The following KRT6A variants were observed in gnomAD, a reference collection of about 807,000 sequenced individuals.
KRT6A encodes the protein keratin, type II cytoskeletal 6A.
A neutral mutation model predicts 48.6 loss-of-function variants in KRT6A; 28 were observed. The observed-to-expected ratio is 0.58, with a 90% CI of 0.43 to 0.79. KRT6A has a LOEUF of 0.79. Ranked by LOEUF, KRT6A falls within the 30% of genes least tolerant of loss-of-function variation. The pLI is 0.00. For missense variants in KRT6A, 687 were observed against 724.3 expected, an observed-to-expected ratio of 0.95 and a Z score of 0.59; for synonymous variants, 301 against 294.2, an observed-to-expected ratio of 1.02 and a Z score of -0.24.
At chr12:52,490,267 T>A (rs1191337966) in intron 5 of KRT6A, 199 bp from the exon 6 acceptor site, 8 of 1,104,138 alleles carry the variant, frequency 7.2e-6, no homozygotes, top group Non-Finnish European at 1.1e-5. Flanking sequence ...CACCACTGCC[T>A]GCCTAGTTTC....
rs1169746521 is a variant in KRT6A at position 52,491,465 on chromosome 12, A to G, written c.755+57T>C. On this transcript the variant is annotated intron_variant, in intron 2 of 8. Transcript: ENST00000330722. ...TACCCCCTTCTGGCCCTGGTCACCC[A>G]ATAGTCTTGAAGTGTGTGCTGCAGG... 7.5e-6 allele frequency: 12 copies of G among 1,597,730 alleles called. No individual in the cohort carries two copies. In the East Asian group the frequency reaches 2.5e-4, roughly 33 times the overall value.
chr12:52,490,131 T>A, intron 5 of KRT6A, 63 bp from the exon 6 acceptor site: 1 of 1,611,370 alleles, frequency 6.2e-7, no homozygotes, highest in South Asian at 1.1e-5. Flanking sequence ...GCGATGACTT[T>A]CACTTGTGTA....
Position 52,487,585 on chromosome 12 carries a change from T to A in KRT6A, c.*135A>T. On this transcript the variant is annotated 3_prime_UTR_variant, in exon 9 of 9. Coordinates refer to ENST00000330722, the MANE Select transcript of KRT6A (RefSeq NM_005554.4). ...AGAGAGAGAGAAGAAGTGAGGGCAC[T>A]AAGCATCCATACCCAGCTCTACCTG... is the stretch of plus-strand genomic sequence containing the variant. The A allele has an allele frequency of 9.5e-7, 1 of 1,051,608 alleles. No individual in the cohort carries two copies. The highest frequency in any genetic ancestry group is 1.4e-6 in the Non-Finnish European group (1 of 706,712). The allele number at this position is 1,051,608 out of a possible 1,614,324, so 65.1% of individuals were successfully genotyped here. A position where few individuals can be genotyped will look rare whatever the true frequency, so the allele number is the denominator to read the frequency against.
Position 52,487,579 on chromosome 12 carries a change from G to A in KRT6A, c.*141C>T, listed in dbSNP as rs1063931. On this transcript the variant is annotated 3_prime_UTR_variant, in exon 9 of 9. Coordinates refer to ENST00000330722, the MANE Select transcript of KRT6A (RefSeq NM_005554.4). Reference sequence around the variant, plus strand: ...GTATAGAGAGAGAGAGAAGAAGTGAGGGCACTAAGCATCCATACCCAGCTC... The same window carrying A: ...GTATAGAGAGAGAGAGAAGAAGTGAAGGCACTAAGCATCCATACCCAGCTC... 234,806 of 954,100 alleles carry A rather than the reference G, an allele frequency of 0.25. 31,793 individuals are homozygous for A. Among genetic ancestry groups the A allele is most frequent in the African/African-American group, 0.45 (27,043 of 60,386 alleles). The allele number at this position is 954,100 out of a possible 1,614,324, so 59.1% of individuals were successfully genotyped here. A position where few individuals can be genotyped will look rare whatever the true frequency, so the allele number is the denominator to read the frequency against.
In KRT6A at chr12:52,493,228, C is replaced by G; in HGVS notation, c.-40G>C. On this transcript the variant is annotated 5_prime_UTR_variant, in exon 1 of 9. Coordinates refer to ENST00000330722, the MANE Select transcript of KRT6A (RefSeq NM_005554.4). ...AGAGAGCTGAGGAGAGTGTGAGAGG[C>G]TGGAGGAGAGAGGGAAGAGAAGCAG... 1.2e-6 allele frequency: 2 copies of G among 1,613,784 alleles called. No individual in the cohort carries two copies.
rs1469928604 is a variant in KRT6A, at chr12:52,487,611, G to T, written c.*109C>A. 1.5e-6 allele frequency: 2 copies of T among 1,378,944 alleles called. No individual in the cohort carries two copies. The highest frequency in any genetic ancestry group is 1.4e-5 in the African/African-American group (1 of 69,500). The allele number at this position is 1,378,944 out of a possible 1,614,324, so 85.4% of individuals were successfully genotyped here. On this transcript the variant is annotated 3_prime_UTR_variant, in exon 9 of 9. Coordinates refer to ENST00000330722, the MANE Select transcript of KRT6A (RefSeq NM_005554.4). ...AAGCATCCATACCCAGCTCTACCTGGGACAGCAGGGGAGACTGGAGGCCAG... is the reference window on the plus strand; with the variant it reads ...AAGCATCCATACCCAGCTCTACCTGTGACAGCAGGGGAGACTGGAGGCCAG...
Position 52,487,419 on chromosome 12 carries a change from TA to T in KRT6A, c.*300del. The T allele has an allele frequency of 2.2e-6, 1 of 445,056 alleles. No individual in the cohort carries two copies. Among genetic ancestry groups the T allele is most frequent in the Non-Finnish European group, 4.1e-6 (1 of 245,830 alleles). 27.6% of individuals were successfully genotyped at this position (445,056 alleles called of 1,614,324 possible). A position where few individuals can be genotyped will look rare whatever the true frequency, so the allele number is the denominator to read the frequency against. On this transcript the variant is annotated 3_prime_UTR_variant, in exon 9 of 9. Coordinates refer to ENST00000330722, the MANE Select transcript of KRT6A (RefSeq NM_005554.4). ...TGAAAAGGAGCAGAGGTCATTTTCT[TA>T]TAATGCTCAGCCTCAGAGATAGAAC...
In KRT6A at chr12:52,487,344, G is replaced by A. The variant is rs988000096; in HGVS notation, c.*376C>T. 5 of 313,188 alleles carry A rather than the reference G, an allele frequency of 1.6e-5. No homozygotes were observed. Among genetic ancestry groups the A allele is most frequent in the East Asian group, 7.6e-5 (1 of 13,194 alleles). 19.4% of individuals were successfully genotyped at this position (313,188 alleles called of 1,614,324 possible). On this transcript the variant is annotated 3_prime_UTR_variant, in exon 9 of 9. Transcript: ENST00000330722. ...AAGTTAGAGAGTTTGAGAGCCAGTG[G>A]AAAGTAAGTGGAAGTTGTTCTGAAA...
chr12:52,491,996 T>C (rs1938275586), intron 1 of KRT6A, among the ~76,000 whole-genome samples: 1 of 152,194 alleles, frequency 6.6e-6, no homozygotes, highest in Non-Finnish European at 1.5e-5. Flanking sequence ...TCAACATGTC[T>C]TTTCCTTCTT....
At position 52,492,863 on chromosome 12, in the gene KRT6A, C is replaced by G. The variant is rs769880941; in HGVS notation, c.326G>C (p.Gly109Ala). 2 of 1,608,452 alleles carry G rather than the reference C, an allele frequency of 1.2e-6. No homozygotes were observed. The highest frequency in any genetic ancestry group is 1.7e-6 in the Non-Finnish European group (2 of 1,177,560). ...GCCGGCTCCACCACCCAGACCAAAG[C>G]CAATGCCGGCTCCACCACCGAAACC... ...GFGFGGGAGI[G>A]FGLGGGAGLA... The change falls in exon 1 of 9, where the codon GGC becomes GCC. Residue 109 changes from glycine to alanine, a missense_variant. Coordinates refer to ENST00000330722, the MANE Select transcript of KRT6A (RefSeq NM_005554.4).
At chr12:52,492,599 C>G in intron 1 of KRT6A, 50 bp downstream of exon 1, 1 of 1,613,854 alleles carries the variant, frequency 6.2e-7, no homozygotes, top group African/African-American at 1.3e-5. Flanking sequence ...TGTTGCTCCT[C>G]TGGTCTGGGG....
chr12:52,488,682 TTG>T, intron 6 of KRT6A, 134 bp from the exon 7 acceptor site: 2 of 1,167,234 alleles, frequency 1.7e-6, no homozygotes, highest in South Asian at 1.4e-5. Context: ...TTCCTATCTA[TTG>T]TTTTTTTTTT....
Position 52,492,716 on chromosome 12 carries a change from C to T in KRT6A, c.473G>A (p.Arg158Gln), listed in dbSNP as rs745403820. The change falls in exon 1 of 9, where the codon CGG (arginine) becomes CAG (glutamine). Residue 158 changes from arginine to glutamine, a missense_variant. Coordinates refer to ENST00000330722, the MANE Select transcript of KRT6A (RefSeq NM_005554.4). ...CTGTTCACGCTCCTCAGCCCGCACC[C>T]GCTGGATGGTGGGATCGATTTGCAG... ...LNLQIDPTIQ[R>Q]VRAEEREQIK... The T allele has an allele frequency of 6.2e-5, 100 of 1,613,926 alleles. No individual in the cohort carries two copies. Among genetic ancestry groups the T allele is most frequent in the Non-Finnish European group, 7.8e-5 (92 of 1,179,980 alleles).
rs11540301 is a variant in KRT6A, at chr12:52,487,760, G to C, written c.1655C>G (p.Thr552Ser). Residue 552 changes from threonine to serine, a missense_variant, in exon 9 of 9, where the codon ACC becomes AGC. Transcript: ENST00000330722. Reference protein sequence around the residue: ...VGGGSSTIKYTTTSSSSRKSY... With the variant: ...VGGGSSTIKYSTTSSSSRKSY... ...CTTCCTGCTGGAGGAGGAGGTGGTG[G>C]TGTACTTGATGGTGGAACTGCCGCC... 38,822 of 1,613,996 alleles carry C rather than the reference G, an allele frequency of 0.024. 2,793 individuals carry two copies. The African/African-American group carries it at 0.25, about 10-fold the overall frequency.
Position 52,491,004 on chromosome 12 carries a change from T to C in KRT6A, c.817-51A>G, listed in dbSNP as rs770808915. Reference sequence around the variant, plus strand: ...GTTACCTGAGCTCACCTTTCCAATCTACCCATCTTCTAGTCTCCATGCCAA... The same window carrying C: ...GTTACCTGAGCTCACCTTTCCAATCCACCCATCTTCTAGTCTCCATGCCAA... On this transcript the variant is annotated intron_variant, in intron 3 of 8. Coordinates refer to ENST00000330722, the MANE Select transcript of KRT6A (RefSeq NM_005554.4). 1.5e-5 allele frequency: 24 copies of C among 1,610,360 alleles called. 1 individual carries two copies. The East Asian group carries it at 1.6e-4, about 10-fold the overall frequency.
chr12:52,487,646 G>A lies in KRT6A; in HGVS notation c.*74C>T, dbSNP rs1053795. The A allele has an allele frequency of 1.2e-6, 2 of 1,602,876 alleles. No individual in the cohort carries two copies. The highest frequency in any genetic ancestry group is 1.7e-5 in the Admixed American group (1 of 59,528). On this transcript the variant is annotated 3_prime_UTR_variant, in exon 9 of 9. Coordinates refer to ENST00000330722, the MANE Select transcript of KRT6A (RefSeq NM_005554.4). ...GGAGACTGGAGGCCAGGAGAGGAAA[G>A]GCAACCTGAGGAGAGGGCTCTGCAG...
At position 52,488,531 on chromosome 12, in the gene KRT6A, G is replaced by T; in HGVS notation, c.1221C>A (p.Ala407=). ...HVKKQCANLQ[A]AIADAEQRGE... Reference sequence around the variant, plus strand: ...CACGCTGCTCAGCATCAGCAATGGCGGCCTGCAGGTTGGCGCACTGGAAGA... The same window carrying T: ...CACGCTGCTCAGCATCAGCAATGGCTGCCTGCAGGTTGGCGCACTGGAAGA... Residue 407 remains alanine (A), a synonymous_variant, in exon 7 of 9, where the codon GCC becomes GCA. Transcript: ENST00000330722. 1 of 1,613,930 alleles carries T rather than the reference G, an allele frequency of 6.2e-7. No homozygotes were observed. The highest frequency in any genetic ancestry group is 8.5e-7 in the Non-Finnish European group (1 of 1,179,930).
In KRT6A at chr12:52,487,244, C is replaced by A; in HGVS notation, c.*476G>T. On this transcript the variant is annotated 3_prime_UTR_variant, in exon 9 of 9. Transcript: ENST00000330722. ...GAGCACAGAAATCATCACAGAGATA[C>A]AGGCTTTGTACATCATAGGACTAGT... is the stretch of plus-strand genomic sequence containing the variant. 5.5e-6 allele frequency: 1 copy of A among 180,512 alleles called. No individual in the cohort carries two copies. Among genetic ancestry groups the A allele is most frequent in the African/African-American group, 2.4e-5 (1 of 42,258 alleles). 11.2% of individuals were successfully genotyped at this position (180,512 alleles called of 1,614,324 possible). A position where few individuals can be genotyped will look rare whatever the true frequency, so the allele number is the denominator to read the frequency against.
intron 6 of KRT6A, among the ~76,000 whole-genome samples, chr12:52,488,910 T>C (rs549734678): frequency 6.6e-6 from 1 of 152,302 alleles, no homozygotes; most frequent in African/African-American, 2.4e-5. Flanking sequence ...CACACTAACA[T>C]ACACAAAATT....
Sources: allele counts gnomAD v4.1 joint callset (sites outside exome capture counted in the v4.1 genomes callset), GRCh38; gene constraint gnomAD v4.1.1; transcripts MANE v1.5; gene names NCBI Gene and HGNC (gene_info 2026-07-23, HGNC 2026-07-21).